FHL5: variants seen among roughly 807,000 people sequenced by gnomAD.
FHL5 encodes the protein four and a half LIM domains 5.
A neutral mutation model predicts 32.0 loss-of-function variants in FHL5; 33 were observed. That is an observed-to-expected ratio of 1.03 (90% CI 0.78 to 1.38). FHL5 has a LOEUF of 1.38. FHL5 is among the 40% of genes most tolerant of loss of function. The probability of loss-of-function intolerance (pLI) is 0.00; values close to 1 mark genes in which losing one functional copy is unlikely to be tolerated. For synonymous variants in FHL5, 114 were observed against 113.6 expected (o/e 1.00, Z -0.02); for missense variants, 336 against 343.9 (o/e 0.98, Z 0.18).
intron 5 of FHL5, 50 bp from the exon 6 acceptor site, chr6:96,615,559 A>G (rs887692350): frequency 7.4e-6 from 11 of 1,491,626 alleles, no homozygotes; most frequent in African/African-American, 1.4e-5. Flanking sequence ...AGAATGCTCA[A>G]TCTGTTCCTT....
chr6:96,613,968 A>C (rs538717714), intron 5 of FHL5, among the ~76,000 whole-genome samples: 18 of 152,326 alleles, frequency 1.2e-4, no homozygotes, highest in Admixed American at 6.5e-4. Flanking sequence ...TCAGAAACCT[A>C]TGAAACCAGA....
At chr6:96,590,542 T>C (rs1188035668) in intron 1 of FHL5, among the ~76,000 whole-genome samples, 1 of 152,060 alleles carries the variant, frequency 6.6e-6, no homozygotes, top group Non-Finnish European at 1.5e-5. Context: ...TCTCCACAAT[T>C]AGAACATCAG....
rs373075159 is a variant in FHL5 at position 96,618,568 on chromosome 6, C to G, written c.*2796C>G. ...GAATAGAACCAAAGAAAGCAAGGTT[C>G]CAAGGATTAAGTTTCTTACTGAAGG... On this transcript the variant is annotated 3_prime_UTR_variant, in exon 6 of 6. Coordinates refer to ENST00000450218, the MANE Select transcript of FHL5 (RefSeq NM_001322466.2). 7.2e-4 allele frequency among the ~76,000 whole-genome samples: 110 copies of G among 152,182 alleles called. No individual in the cohort carries two copies. The highest frequency in any genetic ancestry group is 1.4e-3 in the East Asian group (7 of 5,178).
intron 5 of FHL5, among the ~76,000 whole-genome samples, chr6:96,611,184 A>T (rs1582482288): frequency 6.6e-6 from 1 of 152,230 alleles, no homozygotes; most frequent in South Asian, 2.1e-4. Flanking sequence ...GGAAGGTTTT[A>T]ATTAAATTCC....
At chr6:96,585,159 G>C (rs1313692326) in intron 1 of FHL5, among the ~76,000 whole-genome samples, 2 of 152,102 alleles carry the variant, frequency 1.3e-5, no homozygotes, top group Non-Finnish European at 2.9e-5. Context: ...TCTTCATCCA[G>C]TTTCTGTCTC....
At chr6:96,570,476 G>A (rs567004139) in intron 1 of FHL5, among the ~76,000 whole-genome samples, 10 of 152,044 alleles carry the variant, frequency 6.6e-5, no homozygotes, top group African/African-American at 2.4e-4. Flanking sequence ...AATCTATTTG[G>A]GGAATTTTGA....
intron 1 of FHL5, among the ~76,000 whole-genome samples, chr6:96,593,990 T>C (rs112074608): frequency 1.8e-4 from 27 of 151,902 alleles, no homozygotes; most frequent in African/African-American, 6.0e-4. Flanking sequence ...ATTTTCTCTT[T>C]ATGCATTAGT....
chr6:96,604,303 CTCTT>C (rs900186251), intron 2 of FHL5, among the ~76,000 whole-genome samples: 3 of 149,618 alleles, frequency 2.0e-5, no homozygotes, highest in Non-Finnish European at 4.5e-5. Context: ...ATTTTCCTCT[CTCTT>C]TCTCTCTCTC....
chr6:96,589,258 A>C (rs995525976), intron 1 of FHL5, among the ~76,000 whole-genome samples: 1 of 152,138 alleles, frequency 6.6e-6, no homozygotes, highest in Non-Finnish European at 1.5e-5. Context: ...TATTGTTTAC[A>C]ACAAATTCTT....
At chr6:96,615,335 A>G (rs1185330792) in intron 5 of FHL5, among the ~76,000 whole-genome samples, 1 of 152,168 alleles carries the variant, frequency 6.6e-6, no homozygotes, top group African/African-American at 2.4e-5. Context: ...TCTGTTTCCA[A>G]AAATACCTGA....
At chr6:96,574,117 C>A (rs1322028860) in intron 1 of FHL5, among the ~76,000 whole-genome samples, 1 of 151,978 alleles carries the variant, frequency 6.6e-6, no homozygotes, top group Non-Finnish European at 1.5e-5. Flanking sequence ...ATAAGCATTT[C>A]ACCATGCCAT....
At chr6:96,568,819 C>T (rs1464744352) in intron 1 of FHL5, among the ~76,000 whole-genome samples, 5 of 151,812 alleles carry the variant, frequency 3.3e-5, no homozygotes, top group Admixed American at 6.6e-5. Flanking sequence ...GTCTCCTTTT[C>T]ATTCCTGATT....
chr6:96,614,997 T>C (rs559298657), intron 5 of FHL5, among the ~76,000 whole-genome samples: 12 of 149,262 alleles, frequency 8.0e-5, no homozygotes, highest in African/African-American at 2.5e-4. Flanking sequence ...CACGTTAGGA[T>C]GGCTGAATGA....
chr6:96,604,016 G>A (rs1251574995), intron 2 of FHL5, among the ~76,000 whole-genome samples: 1 of 152,200 alleles, frequency 6.6e-6, no homozygotes, highest in Non-Finnish European at 1.5e-5. Context: ...AAGGGGTTAA[G>A]CTATTTGTCC....
intron 1 of FHL5, among the ~76,000 whole-genome samples, chr6:96,602,426 C>CTTTCTTTTTTTTTTT (rs1771169538): frequency 3.0e-5 from 1 of 33,684 alleles, no homozygotes. Context: ...TGCGTTGTTT[C>CTTTCTTTTTTTTTTT]TTTTTTTTTT....
intron 1 of FHL5, among the ~76,000 whole-genome samples, chr6:96,569,753 T>G (rs1276417633): frequency 7.3e-6 from 1 of 137,776 alleles, no homozygotes; most frequent in Non-Finnish European, 1.7e-5. Context: ...GGATTTTTTT[T>G]CCATCCCTTA....
At chr6:96,563,667 T>C (rs1254608568) in intron 1 of FHL5, among the ~76,000 whole-genome samples, 1 of 152,172 alleles carries the variant, frequency 6.6e-6, no homozygotes, top group Non-Finnish European at 1.5e-5. Context: ...TATAGCTTTA[T>C]TGTTGTAAAA....
At chr6:96,594,227 TTATA>T (rs1178680000) in intron 1 of FHL5, among the ~76,000 whole-genome samples, 3,581 of 65,538 alleles carry the variant, frequency 0.055, 48 homozygotes, top group Non-Finnish European at 0.058. Context: ...ATATTAGAAT[TTATA>T]TATATATATA....
rs891599842 is a variant in FHL5, at chr6:96,563,146, G to A, written c.-222G>A. ...TCAGCCCAGTAGGAGTCATGTACAC[G>A]GTATAAGACTTGGAGGAAATGCAGG... On this transcript the variant is annotated 5_prime_UTR_variant, in exon 1 of 6. Coordinates refer to ENST00000450218, the MANE Select transcript of FHL5 (RefSeq NM_001322466.2). 3.3e-5 allele frequency: 5 copies of A among 152,064 alleles called. No individual in the cohort carries two copies. The highest frequency in any genetic ancestry group is 1.9e-4 in the East Asian group (1 of 5,182). The allele number at this position is 152,064 out of a possible 1,614,324, so 9.4% of individuals were successfully genotyped here.
Sources: allele counts gnomAD v4.1 joint callset (sites outside exome capture counted in the v4.1 genomes callset), GRCh38; gene constraint gnomAD v4.1.1; transcripts MANE v1.5; gene names NCBI Gene and HGNC (gene_info 2026-07-23, HGNC 2026-07-21).